MEGF9: variants seen among roughly 807,000 people sequenced by gnomAD.
The protein encoded by MEGF9 is multiple epidermal growth factor-like domains protein 9.
Under a neutral mutation model 46.8 loss-of-function variants are expected in MEGF9, and 6 were observed. The ratio of observed to expected loss-of-function variants is 0.13; its 90% CI spans 0.07 to 0.25. MEGF9 has a LOEUF of 0.25. Ranked by LOEUF, MEGF9 falls within the 10% of genes least tolerant of loss-of-function variation. MEGF9 has a pLI of 1.00. For synonymous variants in MEGF9, 302 were observed against 330.7 expected (o/e 0.91, Z 0.94); for missense variants, 683 against 792.4 (o/e 0.86, Z 1.66).
chr9:120,612,881 T>C (rs563648317), intron 3 of MEGF9, among the ~76,000 whole-genome samples: 2 of 150,856 alleles, frequency 1.3e-5, no homozygotes, highest in South Asian at 4.2e-4. Context: ...AATTGTGGCA[T>C]TTTCATAAAT....
chr9:120,662,508 T>C (rs1254777590), intron 1 of MEGF9, among the ~76,000 whole-genome samples: 1 of 152,256 alleles, frequency 6.6e-6, no homozygotes, highest in South Asian at 2.1e-4. Context: ...GCACAGATTG[T>C]AGACGTAGAC....
chr9:120,633,118 G>C (rs1330882368), intron 2 of MEGF9, among the ~76,000 whole-genome samples: 1 of 152,128 alleles, frequency 6.6e-6, no homozygotes, highest in Non-Finnish European at 1.5e-5. Flanking sequence ...AATGAGTTAG[G>C]GAGAATTCCC....
intron 1 of MEGF9, among the ~76,000 whole-genome samples, chr9:120,689,162 C>A (rs796156467): frequency 3.9e-5 from 6 of 152,264 alleles, no homozygotes; most frequent in African/African-American, 1.4e-4. Context: ...TGTGTTTGCA[C>A]ATGGAGAACC....
intron 2 of MEGF9, among the ~76,000 whole-genome samples, chr9:120,636,937 C>A (rs1041076140): frequency 6.6e-5 from 10 of 152,198 alleles, no homozygotes; most frequent in Non-Finnish European, 1.5e-4. Context: ...GGGAGGTGTA[C>A]CCAACAGCTC....
intron 4 of MEGF9, among the ~76,000 whole-genome samples, chr9:120,609,286 A>C (rs1000388089): frequency 2.5e-5 from 3 of 119,088 alleles, no homozygotes; most frequent in African/African-American, 8.7e-5. Context: ...CTTTCTCTGC[A>C]TGGGACATCC....
intron 2 of MEGF9, among the ~76,000 whole-genome samples, chr9:120,653,361 TTTTA>T (rs1429527306): frequency 6.7e-6 from 1 of 150,102 alleles, no homozygotes; most frequent in East Asian, 1.9e-4. Context: ...TGAAATAATA[TTTTA>T]TTTATTTTAT....
intron 4 of MEGF9, among the ~76,000 whole-genome samples, chr9:120,609,694 TCAA>T (rs961624142): frequency 9.2e-5 from 14 of 152,224 alleles, no homozygotes; most frequent in Admixed American, 6.5e-4. Flanking sequence ...TTTTTAATAA[TCAA>T]CAAGTCATCT....
At chr9:120,705,451 G>C (rs904589287) in intron 1 of MEGF9, among the ~76,000 whole-genome samples, 3 of 151,410 alleles carry the variant, frequency 2.0e-5, no homozygotes, top group African/African-American at 7.3e-5. Context: ...TGGAAAGAAT[G>C]GTTGGGGCTA....
At chr9:120,646,237 C>T (rs1355850365) in intron 2 of MEGF9, among the ~76,000 whole-genome samples, 1 of 152,136 alleles carries the variant, frequency 6.6e-6, no homozygotes, top group Non-Finnish European at 1.5e-5. Flanking sequence ...TTAGTTTTTA[C>T]TCTGCCTCCA....
chr9:120,632,366 T>C (rs573762469), intron 2 of MEGF9, among the ~76,000 whole-genome samples: 2 of 149,642 alleles, frequency 1.3e-5, no homozygotes, highest in South Asian at 4.2e-4. Flanking sequence ...CTATTTTAAA[T>C]AGGATTGGTT....
At chr9:120,693,340 T>C (rs1466724862) in intron 1 of MEGF9, among the ~76,000 whole-genome samples, 2 of 150,264 alleles carry the variant, frequency 1.3e-5, no homozygotes, top group African/African-American at 2.4e-5. Flanking sequence ...ATGATACCAT[T>C]GCAGATTGGT....
rs866615675 is a variant in MEGF9, at chr9:120,660,505, T to G, written c.602-930A>C. 5.3e-5 allele frequency among the ~76,000 whole-genome samples: 8 copies of G among 152,320 alleles called. No individual in the cohort carries two copies. In the South Asian group the frequency reaches 8.3e-4, roughly 16 times the overall value. ...GTCTATCTGCTGTGCTATCAAATACTAGGTCTTATTCATTCTTTCTATTTT... is the reference window on the plus strand; with the variant it reads ...GTCTATCTGCTGTGCTATCAAATACGAGGTCTTATTCATTCTTTCTATTTT... On this transcript the variant is annotated intron_variant, in intron 1 of 5. Coordinates refer to ENST00000373930, the MANE Select transcript of MEGF9 (RefSeq NM_001080497.3).
chr9:120,621,126 TTGAC>T (rs2043497705), intron 3 of MEGF9, among the ~76,000 whole-genome samples: 1 of 152,226 alleles, frequency 6.6e-6, no homozygotes, highest in Non-Finnish European at 1.5e-5. Flanking sequence ...TTTTAATGGT[TTGAC>T]TAAGTTTGCC....
At chr9:120,704,900 T>G (rs968999935) in intron 1 of MEGF9, among the ~76,000 whole-genome samples, 1 of 152,224 alleles carries the variant, frequency 6.6e-6, no homozygotes, top group African/African-American at 2.4e-5. Context: ...TATACTGGTA[T>G]GCATCTCAAA....
chr9:120,711,626 T>G (rs2043953406), intron 1 of MEGF9, among the ~76,000 whole-genome samples: 1 of 151,958 alleles, frequency 6.6e-6, no homozygotes, highest in South Asian at 2.1e-4. Flanking sequence ...GGTTGAAAAA[T>G]AACAACACAA....
chr9:120,654,055 T>C (rs566584790), intron 2 of MEGF9, among the ~76,000 whole-genome samples: 1 of 152,262 alleles, frequency 6.6e-6, no homozygotes, highest in South Asian at 2.1e-4. Flanking sequence ...GGAAGAACAC[T>C]CTGAGAGCAG....
intron 2 of MEGF9, among the ~76,000 whole-genome samples, chr9:120,636,227 C>T (rs148402150): frequency 6.6e-5 from 10 of 152,288 alleles, no homozygotes; most frequent in East Asian, 5.8e-4. Flanking sequence ...CTTGAGCCAC[C>T]GCGTCCAGCC....
At chr9:120,665,462 C>T in intron 1 of MEGF9, among the ~76,000 whole-genome samples, 1 of 152,180 alleles carries the variant, frequency 6.6e-6, no homozygotes, top group East Asian at 1.9e-4. Context: ...CTCAGCCTCC[C>T]AAAGTGCTGG....
At chr9:120,684,936 G>A (rs879430496) in intron 1 of MEGF9, among the ~76,000 whole-genome samples, 9 of 151,530 alleles carry the variant, frequency 5.9e-5, no homozygotes, top group Non-Finnish European at 1.3e-4. Context: ...CAGGGTTCAC[G>A]CCATTCTCCT....
Sources: gnomAD v4.1 joint callset for allele counts (sites outside exome capture counted in the v4.1 genomes callset) on GRCh38, gnomAD v4.1.1 for gene constraint, MANE v1.5 for transcripts, NCBI Gene and HGNC (gene_info 2026-07-23, HGNC 2026-07-21) for gene names.